The following NKD1 variants were observed in gnomAD, a reference collection of about 807,000 sequenced individuals.
NKD1 encodes protein naked cuticle homolog 1.
A neutral mutation model predicts 56.0 loss-of-function variants in NKD1; 21 were observed. That is an observed-to-expected ratio of 0.38 (90% CI 0.27 to 0.54). NKD1 has a LOEUF of 0.54. Among genes scored for constraint, NKD1 ranks in the 20% least tolerant of loss-of-function variants. The probability of loss-of-function intolerance (pLI) is 0.82; values close to 1 mark genes in which losing one functional copy is unlikely to be tolerated. For synonymous variants in NKD1, 263 were observed against 265.7 expected (o/e 0.99, Z 0.10); for missense variants, 578 against 642.7 (o/e 0.90, Z 1.09).
chr16:50,561,393 T>TAAAA (rs10692410), intron 3 of NKD1, among the ~76,000 whole-genome samples: 46 of 141,122 alleles, frequency 3.3e-4, no homozygotes, highest in African/African-American at 9.2e-4. Flanking sequence ...TCTACTGCTG[T>TAAAA]AAAAAAAAAA....
At chr16:50,591,946 C>A (rs950087242) in intron 3 of NKD1, among the ~76,000 whole-genome samples, 2 of 152,214 alleles carry the variant, frequency 1.3e-5, no homozygotes, top group African/African-American at 4.8e-5. Flanking sequence ...GCCAAGCAAC[C>A]CAAGGGGACC....
chr16:50,575,189 G>C, intron 3 of NKD1: 4 of 985,258 alleles, frequency 4.1e-6, no homozygotes, highest in Non-Finnish European at 4.8e-6. Flanking sequence ...TTCGCTGGAA[G>C]GAAAGGAAAC....
chr16:50,628,601 C>T (rs933447773), intron 6 of NKD1, among the ~76,000 whole-genome samples: 5 of 152,174 alleles, frequency 3.3e-5, no homozygotes, highest in African/African-American at 4.8e-5. Flanking sequence ...TGAGGAGAAT[C>T]GGTGCCCTCC....
chr16:50,567,732 A>G (rs1266800319), intron 3 of NKD1, among the ~76,000 whole-genome samples: 1 of 152,164 alleles, frequency 6.6e-6, no homozygotes, highest in Non-Finnish European at 1.5e-5. Context: ...CTGGCTGGAC[A>G]CCAGGTCTGG....
chr16:50,589,768 TC>T (rs1961320330), intron 3 of NKD1, among the ~76,000 whole-genome samples: 4 of 77,878 alleles, frequency 5.1e-5, no homozygotes, highest in Admixed American at 1.4e-4. Context: ...TCTTCTCTCC[TC>T]TCCTCTCCTC....
chr16:50,549,520 C>G lies in NKD1; in HGVS notation c.157C>G (p.Leu53Val), dbSNP rs1212471531. 1.2e-6 allele frequency: 2 copies of G among 1,607,690 alleles called. No homozygotes were observed. The highest frequency in any genetic ancestry group is 1.7e-6 in the Non-Finnish European group (2 of 1,176,882). Residue 53 changes from leucine to valine, a missense_variant, in exon 3 of 10, where the codon CTG (leucine) becomes GTG (valine). Coordinates refer to ENST00000268459, the MANE Select transcript of NKD1 (RefSeq NM_033119.5). ...GGGCGGTGTCTCGGGACCCCGACAG[C>G]TGCGGTTGGCGGGCACCATAGGCCG... ...CPGGVSGPRQ[L>V]RLAGTIGRST... is the part of the protein sequence containing the mutation.
At chr16:50,619,219 G>A (rs1286165284) in intron 4 of NKD1, among the ~76,000 whole-genome samples, 2 of 151,950 alleles carry the variant, frequency 1.3e-5, no homozygotes, top group African/African-American at 2.4e-5. Context: ...CCTCTGCTTG[G>A]GAGGGGTGAG....
chr16:50,618,308 A>G (rs1419494152), intron 4 of NKD1, among the ~76,000 whole-genome samples: 1 of 152,142 alleles, frequency 6.6e-6, no homozygotes, highest in Non-Finnish European at 1.5e-5. Context: ...GCTAAACAGG[A>G]ATCAGAGGCA....
chr16:50,565,551 T>G (rs1160911801), intron 3 of NKD1, among the ~76,000 whole-genome samples: 1 of 151,146 alleles, frequency 6.6e-6, no homozygotes, highest in Non-Finnish European at 1.5e-5. Flanking sequence ...CTAGCCAGGT[T>G]TGTGATGTGT....
At chr16:50,630,732 G>A (rs577204909) in intron 7 of NKD1, 94 bp from the exon 8 acceptor site, 43 of 1,068,558 alleles carry the variant, frequency 4.0e-5, no homozygotes, top group Non-Finnish European at 5.8e-5. Context: ...CTCCCACAGT[G>A]GCCTTGCAAA....
At chr16:50,586,466 G>T (rs75214902) in intron 3 of NKD1, among the ~76,000 whole-genome samples, 1 of 152,112 alleles carries the variant, frequency 6.6e-6, no homozygotes, top group African/African-American at 2.4e-5. Flanking sequence ...GAGGACCACC[G>T]TGAGCCACGT....
rs1960297464 is a variant in NKD1, at chr16:50,548,736, G to A, written c.45G>A (p.Arg15=). 3 of 1,444,634 alleles carry A rather than the reference G, an allele frequency of 2.1e-6. No homozygotes were observed. The highest frequency in any genetic ancestry group is 2.7e-6 in the Non-Finnish European group (3 of 1,109,088). 89.5% of individuals were successfully genotyped at this position (1,444,634 alleles called of 1,614,324 possible). A position where few individuals can be genotyped will look rare whatever the true frequency, so the allele number is the denominator to read the frequency against. ...HSKPAAVCKR[R]ESPEGDSFAV... The stretch of plus-strand genomic sequence containing the variant: ...CTGCAGCCGCCGTGTGCAAGCGCAG[G>A]GAGAGCCCGGAAGGTAGGGGCGCGC... Residue 15 remains arginine (R), a synonymous_variant, in exon 2 of 10, where the codon AGG becomes AGA. Transcript: ENST00000268459.
In NKD1 at chr16:50,591,845, A is replaced by G. The variant is rs1961374185; in HGVS notation, c.193-16449A>G. On this transcript the variant is annotated intron_variant, in intron 3 of 9. Coordinates refer to ENST00000268459, the MANE Select transcript of NKD1 (RefSeq NM_033119.5). ...GAGCTGGTGTGGCAATGCGTTCTCC[A>G]GGTAATTGACCTCAGGCTATATGCC... Among the ~76,000 whole-genome samples, 3 of 152,346 alleles carry G rather than the reference A, an allele frequency of 2.0e-5. No individual in the cohort carries two copies. The South Asian group carries it at 6.2e-4, about 32-fold the overall frequency.
chr16:50,594,444 CAG>C (rs1344608789), intron 3 of NKD1, among the ~76,000 whole-genome samples: 1 of 152,234 alleles, frequency 6.6e-6, no homozygotes, highest in Non-Finnish European at 1.5e-5. Flanking sequence ...ACTGCAGAAA[CAG>C]AGCCTGAGGT....
rs150131647 is a variant in NKD1 at position 50,606,298 on chromosome 16, C to T, written c.193-1996C>T. 5.8e-3 allele frequency: 888 copies of T among 154,264 alleles called. 8 individuals are homozygous for T. The highest frequency in any genetic ancestry group is 0.02 in the African/African-American group (832 of 41,592). 9.6% of individuals were successfully genotyped at this position (154,264 alleles called of 1,614,324 possible). A position where few individuals can be genotyped will look rare whatever the true frequency, so the allele number is the denominator to read the frequency against. On this transcript the variant is annotated intron_variant, in intron 3 of 9. Transcript: ENST00000268459. ...GCCTGACCTCGTGATCCACCTGCCT[C>T]GGCCTCCCGAAGTGCTAGGATTACA...
At chr16:50,583,398 A>C (rs556015816) in intron 3 of NKD1, among the ~76,000 whole-genome samples, 21 of 152,318 alleles carry the variant, frequency 1.4e-4, no homozygotes, top group African/African-American at 4.1e-4. Flanking sequence ...TTAGTGTCCC[A>C]GCTGAGCCCA....
intron 3 of NKD1, among the ~76,000 whole-genome samples, chr16:50,585,775 A>T (rs1043175268): frequency 2.0e-5 from 3 of 152,168 alleles, no homozygotes; most frequent in Non-Finnish European, 4.4e-5. Context: ...GTAATAACTG[A>T]TAGCAGTGGG....
chr16:50,625,646 C>A, intron 6 of NKD1, 66 bp downstream of exon 6: 3 of 981,414 alleles, frequency 3.1e-6, no homozygotes, highest in South Asian at 1.3e-5. Context: ...GGGCACAGCA[C>A]CCTGCCACTG....
intron 8 of NKD1, among the ~76,000 whole-genome samples, chr16:50,631,325 A>C (rs1489897203): frequency 1.3e-5 from 2 of 152,080 alleles, no homozygotes; most frequent in Non-Finnish European, 2.9e-5. Flanking sequence ...TGGACTTCAG[A>C]ATGGTGGATA....
Sources: gnomAD v4.1 joint callset for allele counts (sites outside exome capture counted in the v4.1 genomes callset) on GRCh38, gnomAD v4.1.1 for gene constraint, MANE v1.5 for transcripts, NCBI Gene and HGNC (gene_info 2026-07-23, HGNC 2026-07-21) for gene names.